Variants in DOCK2 observed in about 807,000 individuals in gnomAD.
The protein encoded by DOCK2 is dedicator of cytokinesis 2, also known as dedicator of cytokinesis protein 2.
DOCK2 carries 87 observed loss-of-function variants against 248.9 expected under a neutral mutation model. That is an observed-to-expected ratio of 0.35 (90% CI 0.29 to 0.42). The LOEUF is 0.42. Among genes scored for constraint, DOCK2 ranks in the 10% least tolerant of loss-of-function variants. DOCK2 has a pLI of 1.00. For missense variants in DOCK2, 1,747 were observed against 2,300.2 expected (o/e 0.76, Z 4.92); for synonymous variants, 805 against 821.6 (o/e 0.98, Z 0.35).
intron 32 of DOCK2, among the ~76,000 whole-genome samples, chr5:170,011,495 A>AG (rs1366763477): frequency 6.6e-6 from 1 of 151,656 alleles, no homozygotes; most frequent in African/African-American, 2.4e-5. Flanking sequence ...TTGCAAAAAA[A>AG]AGGCATTGAC....
chr5:169,659,901 T>C (rs1368845532), intron 2 of DOCK2, among the ~76,000 whole-genome samples: 1 of 152,198 alleles, frequency 6.6e-6, no homozygotes, highest in Non-Finnish European at 1.5e-5. Flanking sequence ...ATTGACATCT[T>C]TCCTGATATT....
intron 25 of DOCK2, among the ~76,000 whole-genome samples, chr5:169,800,944 C>CTTTCTTTTTTTTTTTTTT (rs1248380098): frequency 2.4e-4 from 13 of 53,194 alleles, no homozygotes; most frequent in African/African-American, 1.4e-3. Flanking sequence ...TTCTTTCTTT[C>CTTTCTTTTTTTTTTTTTT]TTTTTTTTTT....
intron 30 of DOCK2, among the ~76,000 whole-genome samples, chr5:170,002,410 C>A (rs2113804026): frequency 6.6e-6 from 1 of 152,234 alleles, no homozygotes; most frequent in South Asian, 2.1e-4. Context: ...AAGCCAAGTG[C>A]AGCAGACTTT....
chr5:169,649,621 G>A (rs77252849), intron 1 of DOCK2, among the ~76,000 whole-genome samples: 9,405 of 152,208 alleles, frequency 0.062, 410 homozygotes, highest in South Asian at 0.16. Flanking sequence ...GTGATGCCTG[G>A]TGAGGAAGCA....
intron 29 of DOCK2, among the ~76,000 whole-genome samples, chr5:169,994,011 C>T (rs75759774): frequency 0.028 from 4,241 of 152,220 alleles, 92 homozygotes; most frequent in Middle Eastern, 0.068. Flanking sequence ...CCTTTTTTCC[C>T]CCCACTCTGA....
At chr5:169,896,207 C>A (rs1773597256) in intron 27 of DOCK2, among the ~76,000 whole-genome samples, 1 of 152,146 alleles carries the variant, frequency 6.6e-6, no homozygotes, top group African/African-American at 2.4e-5. Flanking sequence ...CAGCAGTGAG[C>A]AACTTCTTAA....
At chr5:169,833,789 C>A (rs937492114) in intron 26 of DOCK2, among the ~76,000 whole-genome samples, 2 of 152,200 alleles carry the variant, frequency 1.3e-5, no homozygotes, top group African/African-American at 4.8e-5. Context: ...GCACTGGTGG[C>A]CAGGCCTTCA....
chr5:169,667,884 A>G (rs774831877), intron 2 of DOCK2, among the ~76,000 whole-genome samples: 19 of 152,262 alleles, frequency 1.2e-4, no homozygotes, highest in African/African-American at 4.6e-4. Flanking sequence ...ATAGAATGTG[A>G]TGCTTCATGA....
rs190320945 is a variant in DOCK2 at position 169,824,246 on chromosome 5, T to G, written c.2704-16511T>G. 2.8e-3 allele frequency among the ~76,000 whole-genome samples: 433 copies of G among 152,296 alleles called. 2 individuals are homozygous for G. The highest frequency in any genetic ancestry group is 4.4e-3 in the Non-Finnish European group (298 of 68,024). ...CATCCCCATCAAGCTACCAATGACT[T>G]TCTTCACAGAATTGGAAAAAAACTA... On this transcript the variant is annotated intron_variant, in intron 26 of 51. Coordinates refer to ENST00000520908, the MANE Select transcript of DOCK2 (RefSeq NM_004946.3).
chr5:169,768,211 G>T (rs549414922), intron 25 of DOCK2, among the ~76,000 whole-genome samples: 1 of 152,254 alleles, frequency 6.6e-6, no homozygotes, highest in East Asian at 1.9e-4. Flanking sequence ...ACAGTCCATT[G>T]GCCAGAACAC....
At chr5:170,014,967 T>A (rs1400612420) in intron 32 of DOCK2, among the ~76,000 whole-genome samples, 2 of 152,106 alleles carry the variant, frequency 1.3e-5, no homozygotes, top group Non-Finnish European at 2.9e-5. Flanking sequence ...GGGTTGTGAG[T>A]GTCAGCCATG....
At chr5:169,690,585 C>T (rs1305620080) in intron 9 of DOCK2, among the ~76,000 whole-genome samples, 1 of 152,158 alleles carries the variant, frequency 6.6e-6, no homozygotes, top group South Asian at 2.1e-4. Flanking sequence ...TATAGATGTG[C>T]CTCCATCCTG....
chr5:170,045,529 C>T (rs77558278), intron 38 of DOCK2, among the ~76,000 whole-genome samples: 9,344 of 152,220 alleles, frequency 0.061, 360 homozygotes, highest in South Asian at 0.19. Context: ...AATGAAGATG[C>T]TGTCAGTTAC....
At chr5:170,080,070 G>A (rs1413527676) in intron 49 of DOCK2, 93 bp from the exon 50 acceptor site, 32 of 1,570,386 alleles carry the variant, frequency 2.0e-5, no homozygotes, top group African/African-American at 2.7e-5. Context: ...ACCATGCCAC[G>A]CCCTCCTCAC....
At chr5:169,912,366 C>G (rs1323567477) in intron 27 of DOCK2, among the ~76,000 whole-genome samples, 1 of 152,088 alleles carries the variant, frequency 6.6e-6, no homozygotes, top group African/African-American at 2.4e-5. Context: ...TTTACATGCC[C>G]TTTCTTATCA....
chr5:170,042,281 C>T, intron 38 of DOCK2, 149 bp downstream of exon 38: 1 of 1,054,540 alleles, frequency 9.5e-7, no homozygotes, highest in Non-Finnish European at 1.3e-6. Flanking sequence ...CTCTCCATCT[C>T]CATTCCTTCC....
chr5:169,916,284 G>C lies in DOCK2; in HGVS notation c.2800-66784G>C, dbSNP rs556633847. Among the ~76,000 whole-genome samples the C allele has an allele frequency of 8.3e-4, 126 of 152,320 alleles. 1 individual carries two copies. Among genetic ancestry groups the C allele is most frequent in the Non-Finnish European group, 1.6e-3 (107 of 68,030 alleles). On this transcript the variant is annotated intron_variant, in intron 27 of 51. Coordinates refer to ENST00000520908, the MANE Select transcript of DOCK2 (RefSeq NM_004946.3). ...TTCTAGGTGTGTTTGTCCAACAGGAGCCTGTGACTTGGGATTTGTGTCTGC... is the reference window on the plus strand; with the variant it reads ...TTCTAGGTGTGTTTGTCCAACAGGACCCTGTGACTTGGGATTTGTGTCTGC...
chr5:169,830,334 T>C (rs1769140670), intron 26 of DOCK2, among the ~76,000 whole-genome samples: 1 of 152,226 alleles, frequency 6.6e-6, no homozygotes, highest in African/African-American at 2.4e-5. Context: ...ATAATAATCA[T>C]TAGAATGAAT....
intron 27 of DOCK2, among the ~76,000 whole-genome samples, chr5:169,896,935 C>T (rs578216972): frequency 5.9e-5 from 9 of 152,130 alleles, no homozygotes; most frequent in Non-Finnish European, 1.0e-4. Flanking sequence ...TCAACTTTGA[C>T]GTGAGCTTCC....
Sources: allele counts gnomAD v4.1 joint callset (sites outside exome capture counted in the v4.1 genomes callset), GRCh38; gene constraint gnomAD v4.1.1; transcripts MANE v1.5; gene names NCBI Gene and HGNC (gene_info 2026-07-23, HGNC 2026-07-21).